Variants in SNAP25 observed in about 807,000 individuals in gnomAD.
The protein encoded by SNAP25 is synaptosomal-associated protein 25.
A neutral mutation model predicts 28.7 loss-of-function variants in SNAP25; 3 were observed. That is an observed-to-expected ratio of 0.10 (90% confidence interval 0.05 to 0.27). The LOEUF (loss-of-function observed/expected upper bound fraction) is 0.27. Among genes scored for constraint, SNAP25 ranks in the 10% least tolerant of loss-of-function variants. The pLI, the probability that SNAP25 is intolerant of heterozygous loss-of-function variation, is 1.00. For synonymous variants in SNAP25, 61 were observed against 88.1 expected, an observed-to-expected ratio of 0.69 and a Z score of 1.72; for missense variants, 117 against 278.7, an observed-to-expected ratio of 0.42 and a Z score of 4.13.
chr20:10,287,516 C>A (rs1485976865), intron 4 of SNAP25, among the ~76,000 whole-genome samples: 30 of 144,886 alleles, frequency 2.1e-4, no homozygotes, highest in Admixed American at 6.9e-4. Context: ...ACAACAGGTG[C>A]TGGAGAGGAT....
chr20:10,286,716 C>G (rs190765435), intron 4 of SNAP25, among the ~76,000 whole-genome samples: 2 of 151,798 alleles, frequency 1.3e-5, no homozygotes, highest in Admixed American at 1.3e-4. Flanking sequence ...AAATATATAC[C>G]AATTGATCCA....
In SNAP25 at chr20:10,293,173, G is replaced by A. The variant is rs2064035728; in HGVS notation, c.176G>A (p.Arg59His). ...TGTGTTTAATCAGAACAACTGGAAC[G>A]CATTGAGGAAGGGATGGACCAAATC... ...MLDEQGEQLE[R>H]IEEGMDQINK... The change falls in exon 5 of 8, where the codon CGC becomes CAC. Residue 59 changes from arginine to histidine, a missense_variant. By Grantham distance (29) the Arg-to-His change is conservative. This residue lies in a region of SNAP25 where 88 missense variants were observed against 206.9 expected (regional missense o/e 0.43). Transcript: ENST00000254976. The surrounding 1 kb of genome is among the most constrained non-coding windows in gnomAD (Gnocchi z 5.6). 2 of 1,613,364 alleles carry A rather than the reference G, an allele frequency of 1.2e-6. No individual in the cohort carries two copies. Among genetic ancestry groups the A allele is most frequent in the East Asian group, 2.2e-5 (1 of 44,852 alleles).
intron 1 of SNAP25, among the ~76,000 whole-genome samples, chr20:10,220,436 A>G (rs1302614103): frequency 6.6e-6 from 1 of 152,226 alleles, no homozygotes; most frequent in Non-Finnish European, 1.5e-5. Context: ...CTTCCTCAGG[A>G]GAATCCAAGT....
chr20:10,260,530 A>T (rs1339519518), intron 1 of SNAP25, among the ~76,000 whole-genome samples: 1 of 152,110 alleles, frequency 6.6e-6, no homozygotes, highest in Non-Finnish European at 1.5e-5. Context: ...GAATCTTAGA[A>T]ATGCAAATTG....
At chr20:10,261,858 T>C (rs2063419398) in intron 1 of SNAP25, among the ~76,000 whole-genome samples, 1 of 152,170 alleles carries the variant, frequency 6.6e-6, no homozygotes, top group African/African-American at 2.4e-5. Flanking sequence ...GTCTTCACCA[T>C]AAGTACTTTT....
chr20:10,235,892 A>G lies in SNAP25; in HGVS notation c.-64+16915A>G, dbSNP rs979046412. On this transcript the variant is annotated intron_variant, in intron 1 of 7. Coordinates refer to ENST00000254976, the MANE Select transcript of SNAP25 (RefSeq NM_130811.4). Reference sequence around the variant, plus strand: ...AAACAGCAAGAGAGAACAAGCCCCAATGTGCAAGTACCTTCCAAGTCTTTG... The same window carrying G: ...AAACAGCAAGAGAGAACAAGCCCCAGTGTGCAAGTACCTTCCAAGTCTTTG... Among the ~76,000 whole-genome samples, 17 of 152,326 alleles carry G rather than the reference A, an allele frequency of 1.1e-4. No homozygotes were observed. The East Asian group carries it at 1.7e-3, about 16-fold the overall frequency.
chr20:10,247,959 G>A (rs191948972), intron 1 of SNAP25, among the ~76,000 whole-genome samples: 158 of 152,300 alleles, frequency 1.0e-3, no homozygotes, highest in Non-Finnish European at 1.5e-3. Context: ...TGGAGGGCTC[G>A]TTGGTTTAGA....
chr20:10,293,337 A>G lies in SNAP25; in HGVS notation c.281+59A>G. ...TCCCAAGGCCCATCTCCAAGCCTTGACAAGCTCATTCCTGCCAAGCTCATA... is the reference window on the plus strand; with the variant it reads ...TCCCAAGGCCCATCTCCAAGCCTTGGCAAGCTCATTCCTGCCAAGCTCATA... On this transcript the variant is annotated intron_variant, in intron 5 of 7. Transcript: ENST00000254976. The surrounding 1 kb of genome is among the most constrained non-coding windows in gnomAD (Gnocchi z 5.6). The G allele has an allele frequency of 3.0e-6, 4 of 1,334,172 alleles. No homozygotes were observed. The highest frequency in any genetic ancestry group is 1.4e-5 in the African/African-American group (1 of 69,566). 82.6% of individuals were successfully genotyped at this position (1,334,172 alleles called of 1,614,324 possible). A position where few individuals can be genotyped will look rare whatever the true frequency, so the allele number is the denominator to read the frequency against.
At position 10,296,977 on chromosome 20, in the gene SNAP25, G is replaced by A; in HGVS notation, c.334G>A (p.Val112Met). The A allele has an allele frequency of 6.2e-7, 1 of 1,613,936 alleles. No homozygotes were observed. Among genetic ancestry groups the A allele is most frequent in the Non-Finnish European group, 8.5e-7 (1 of 1,179,902 alleles). ...KKAWGNNQDG[V>M]VASQPARVVD... Reference sequence around the variant, plus strand: ...AGCCTGGGGCAATAATCAGGACGGAGTGGTGGCCAGCCAGCCTGCTCGTGT... The same window carrying A: ...AGCCTGGGGCAATAATCAGGACGGAATGGTGGCCAGCCAGCCTGCTCGTGT... The change falls in exon 6 of 8, where the codon GTG becomes ATG. Residue 112 changes from valine (V) to methionine (M), a missense_variant. Physicochemically the swap from Val to Met is conservative, Grantham distance 21. Transcript: ENST00000254976.
chr20:10,285,391 C>G (rs141701640), intron 4 of SNAP25, among the ~76,000 whole-genome samples: 1 of 152,220 alleles, frequency 6.6e-6, no homozygotes, highest in East Asian at 1.9e-4. Flanking sequence ...ATCTCTATAC[C>G]TAACATGGAA....
At chr20:10,229,280 G>T (rs1212289329) in intron 1 of SNAP25, among the ~76,000 whole-genome samples, 1 of 152,008 alleles carries the variant, frequency 6.6e-6, no homozygotes, top group Non-Finnish European at 1.5e-5. Context: ...GCGGGGATAG[G>T]TTTCTTATTA....
intron 1 of SNAP25, among the ~76,000 whole-genome samples, chr20:10,235,383 T>C (rs1035897305): frequency 7.2e-5 from 11 of 152,256 alleles, no homozygotes; most frequent in African/African-American, 2.4e-4. Context: ...TAACAATATT[T>C]AGTGGTAAGT....
intron 1 of SNAP25, among the ~76,000 whole-genome samples, chr20:10,250,135 A>G (rs3025863): frequency 1.3e-5 from 2 of 152,190 alleles, no homozygotes; most frequent in African/African-American, 2.4e-5. Flanking sequence ...CCTTTTCAAG[A>G]TCTCTGTTTC....
intron 3 of SNAP25, among the ~76,000 whole-genome samples, chr20:10,278,866 T>G (rs945604739): frequency 6.4e-4 from 80 of 125,698 alleles, no homozygotes; most frequent in African/African-American, 2.4e-3. Context: ...GAATTGCCAC[T>G]GGAGGAGTGG....
chr20:10,273,253 C>A lies in SNAP25; in HGVS notation c.-63-2176C>A, dbSNP rs576427096. On this transcript the variant is annotated intron_variant, in intron 1 of 7. Coordinates refer to ENST00000254976, the MANE Select transcript of SNAP25 (RefSeq NM_130811.4). ...ATGGTAGTGCCCCAAGGCCCCAAAT[C>A]TAATTTCCTCTCCCAGCTTCGGTTT... 3.4e-4 allele frequency among the ~76,000 whole-genome samples: 52 copies of A among 152,236 alleles called. No individual in the cohort carries two copies. The South Asian group carries it at 0.011, about 31-fold the overall frequency.
intron 1 of SNAP25, among the ~76,000 whole-genome samples, chr20:10,274,891 A>C (rs1197651466): frequency 1.3e-5 from 2 of 152,032 alleles, no homozygotes; most frequent in Non-Finnish European, 2.9e-5. Context: ...GGGCATAGAC[A>C]TGTGGGATAG....
intron 1 of SNAP25, among the ~76,000 whole-genome samples, chr20:10,255,227 C>T (rs549688569): frequency 2.0e-5 from 3 of 152,344 alleles, no homozygotes; most frequent in African/African-American, 7.2e-5. Context: ...CTGGATGGTA[C>T]TACACAGACT....
chr20:10,245,185 C>A (rs1268949219), intron 1 of SNAP25, among the ~76,000 whole-genome samples: 1 of 152,182 alleles, frequency 6.6e-6, no homozygotes, highest in Admixed American at 6.5e-5. Context: ...GCATTCTCCC[C>A]CAAAGCCAAC....
At chr20:10,268,271 A>G (rs1173916537) in intron 1 of SNAP25, among the ~76,000 whole-genome samples, 1 of 152,172 alleles carries the variant, frequency 6.6e-6, no homozygotes, top group Non-Finnish European at 1.5e-5. Context: ...GAAAACAGGC[A>G]GGGTCTGCAG....
Sources: gnomAD v4.1 joint callset for allele counts (sites outside exome capture counted in the v4.1 genomes callset) on GRCh38, gnomAD v4.1.1 for gene constraint, gnomAD v4.1.1 regional missense constraint, Gnocchi (gnomAD v3.1) non-coding constraint, MANE v1.5 for transcripts, NCBI Gene and HGNC (gene_info 2026-07-23, HGNC 2026-07-21) for gene names.